Variants in AP3D1 observed in about 807,000 individuals in gnomAD.
The protein encoded by AP3D1 is AP-3 complex subunit delta-1.
Under a neutral mutation model 147.6 loss-of-function variants are expected in AP3D1, and 51 were observed. That is an observed-to-expected ratio of 0.35 (90% CI 0.28 to 0.44). AP3D1 has a LOEUF of 0.44. Ranked by LOEUF, AP3D1 falls within the 20% of genes least tolerant of loss-of-function variation. AP3D1 has a pLI of 1.00. For missense variants in AP3D1, 1,421 were observed against 1,624.2 expected (o/e 0.87, Z 2.15); for synonymous variants, 760 against 663.0 (o/e 1.15, Z -2.25).
At chr19:2,109,709 C>T (rs1685591461) in intron 29 of AP3D1, 164 bp downstream of exon 29, 2 of 667,346 alleles carry the variant, frequency 3.0e-6, no homozygotes, top group African/African-American at 1.8e-5. Context: ...CCCCGGCTGG[C>T]GCAGACACCA....
intron 25 of AP3D1, 140 bp from the exon 26 acceptor site, chr19:2,111,472 G>A (rs1051372113): frequency 7.9e-7 from 1 of 1,260,010 alleles, no homozygotes; most frequent in Non-Finnish European, 1.1e-6. Context: ...AGCCGATGAG[G>A]GATCCCCGGC....
intron 8 of AP3D1, among the ~76,000 whole-genome samples, chr19:2,127,555 C>T (rs1000373165): frequency 1.4e-4 from 21 of 152,194 alleles, no homozygotes; most frequent in East Asian, 1.9e-4. Context: ...GACGGAGTCT[C>T]GCTCTGTTGC....
intron 22 of AP3D1, among the ~76,000 whole-genome samples, chr19:2,113,870 C>A (rs1036038409): frequency 6.6e-6 from 1 of 152,204 alleles, no homozygotes; most frequent in Non-Finnish European, 1.5e-5. Flanking sequence ...CTGACCATGT[C>A]CCCCCAACAC....
intron 1 of AP3D1, among the ~76,000 whole-genome samples, chr19:2,147,635 C>T (rs945722106): frequency 6.8e-6 from 1 of 147,660 alleles, no homozygotes; most frequent in African/African-American, 2.5e-5. Context: ...AGTGGCTCAC[C>T]CTGTAATCCC....
At chr19:2,102,513 G>A (rs556762882) in intron 31 of AP3D1, among the ~76,000 whole-genome samples, 21 of 152,166 alleles carry the variant, frequency 1.4e-4, no homozygotes, top group East Asian at 3.9e-4. Flanking sequence ...CAGATCACCA[G>A]GTCAGGATAT....
intron 1 of AP3D1, among the ~76,000 whole-genome samples, chr19:2,145,402 T>C (rs1284473682): frequency 1.3e-5 from 2 of 152,202 alleles, no homozygotes; most frequent in Admixed American, 6.5e-5. Flanking sequence ...CCTAAGGCAG[T>C]GGTTCCCAGC....
intron 1 of AP3D1, 51 bp from the exon 2 acceptor site, chr19:2,138,765 G>A (rs755856746): frequency 8.0e-6 from 11 of 1,369,600 alleles, no homozygotes; most frequent in Non-Finnish European, 1.1e-5. Context: ...TAAGAGGGCT[G>A]GAATAATGAT....
chr19:2,118,488 T>C (rs2018518781), intron 15 of AP3D1, 113 bp downstream of exon 15: 2 of 1,045,600 alleles, frequency 1.9e-6, no homozygotes, highest in Non-Finnish European at 2.7e-6. Flanking sequence ...CAAAAGAATC[T>C]CAGTGAGTGG....
chr19:2,133,446 T>C (rs1397714775), intron 4 of AP3D1: 6 of 152,114 alleles, frequency 3.9e-5, no homozygotes, highest in African/African-American at 1.4e-4. Context: ...ACTTCATCTA[T>C]ATATGCATCT....
chr19:2,142,174 C>A (rs933900291), intron 1 of AP3D1, among the ~76,000 whole-genome samples: 1 of 151,956 alleles, frequency 6.6e-6, no homozygotes, highest in South Asian at 2.1e-4. Context: ...GGTACTACCA[C>A]GCCTGGCTAA....
chr19:2,123,549 C>A (rs2018667643), intron 10 of AP3D1, 143 bp from the exon 11 acceptor site: 1 of 876,622 alleles, frequency 1.1e-6, no homozygotes, highest in African/African-American at 1.7e-5. Flanking sequence ...GGGAAACAAG[C>A]ATGGCCCACA....
rs2019511083 is a variant in AP3D1, at chr19:2,151,475, G to C, written c.-141C>G. ...AAGCTCCCAGGCCAGGGCGGCGGCGGGGTCCAAGGACCGCGGCAGAGGCGG... is the reference window on the plus strand; with the variant it reads ...AAGCTCCCAGGCCAGGGCGGCGGCGCGGTCCAAGGACCGCGGCAGAGGCGG... On this transcript the variant is annotated 5_prime_UTR_variant, in exon 1 of 32. Coordinates refer to ENST00000643116, the MANE Select transcript of AP3D1 (RefSeq NM_001261826.3). 1 of 353,208 alleles carries C rather than the reference G, an allele frequency of 2.8e-6. No homozygotes were observed. The highest frequency in any genetic ancestry group is 4.0e-6 in the Non-Finnish European group (1 of 248,990). 21.9% of individuals were successfully genotyped at this position (353,208 alleles called of 1,614,324 possible). A position where few individuals can be genotyped will look rare whatever the true frequency, so the allele number is the denominator to read the frequency against.
At chr19:2,159,268 G>C (rs569331816) in intron 1 of AP3D1, among the ~76,000 whole-genome samples, 4 of 150,612 alleles carry the variant, frequency 2.7e-5, no homozygotes, top group Non-Finnish European at 5.9e-5. Context: ...ACCCAGGCTG[G>C]AGTGCAATGG....
intron 1 of AP3D1, among the ~76,000 whole-genome samples, chr19:2,150,039 T>TTAA (rs1316302813): frequency 6.6e-6 from 1 of 152,068 alleles, no homozygotes; most frequent in Non-Finnish European, 1.5e-5. Flanking sequence ...AATGACCTCA[T>TTAA]TAAGGTGGGG....
intron 1 of AP3D1, among the ~76,000 whole-genome samples, chr19:2,162,331 C>A (rs2019721297): frequency 7.1e-6 from 1 of 140,190 alleles, no homozygotes; most frequent in African/African-American, 2.6e-5. Flanking sequence ...CCACCGCACC[C>A]GGCCCCTGTT....
chr19:2,159,810 C>G (rs145463814), intron 1 of AP3D1, among the ~76,000 whole-genome samples: 2,340 of 152,036 alleles, frequency 0.015, 37 homozygotes, highest in Middle Eastern at 0.048. Context: ...ATGCCATTCT[C>G]TTGCCTCAGC....
rs369203872 is a variant in AP3D1, at chr19:2,109,172, A to G, written c.3386T>C (p.Leu1129Ser). 46 of 1,608,562 alleles carry G rather than the reference A, an allele frequency of 2.9e-5. No individual in the cohort carries two copies. Among genetic ancestry groups the G allele is most frequent in the South Asian group, 1.7e-4 (15 of 90,170 alleles). Reference sequence around the variant, plus strand: ...ATCGACTTTGATTGAGCTCATGCTCAAGTCCCCAGACTCCAGCAACTTAGC... The same window carrying G: ...ATCGACTTTGATTGAGCTCATGCTCGAGTCCCCAGACTCCAGCAACTTAGC... ...AFAKLLESGD[L>S]SMSSIKVDGI... The change falls in exon 30 of 32, where the codon TTG becomes TCG. Residue 1129 changes from leucine to serine, a missense_variant. Leu to Ser is a moderately radical substitution (Grantham distance 145). Transcript: ENST00000643116.
rs78715673 is a variant in AP3D1, at chr19:2,116,131, C to T, written c.2073+76G>A. 7,601 of 1,476,100 alleles carry T rather than the reference C, an allele frequency of 5.1e-3. 34 individuals are homozygous for T. Among genetic ancestry groups the T allele is most frequent in the Middle Eastern group, 0.023 (119 of 5,216 alleles). 91.4% of individuals were successfully genotyped at this position (1,476,100 alleles called of 1,614,324 possible). A position where few individuals can be genotyped will look rare whatever the true frequency, so the allele number is the denominator to read the frequency against. On this transcript the variant is annotated intron_variant, in intron 18 of 31. Transcript: ENST00000643116. ...AGGATCTTCCTGAGGGAACCCGAAA[C>T]TCAGATGGATGCCGCGGGGCTCGGG...
chr19:2,115,330 C>G lies in AP3D1; in HGVS notation c.2238G>C (p.Arg746Ser), dbSNP rs780024043. The change falls in exon 20 of 32, where the codon AGG becomes AGC. Residue 746 changes from arginine to serine, a missense_variant. Arg to Ser is a moderately radical substitution (Grantham distance 110). Coordinates refer to ENST00000643116, the MANE Select transcript of AP3D1 (RefSeq NM_001261826.3). Reference protein sequence around the residue: ...KLEKDKRRKKRKEKEKKGKRR... With the variant: ...KLEKDKRRKKSKEKEKKGKRR... ...GCTTGCCCTTCTTCTCCTTCTCCTT[C>G]CTCTTTTTCCTCCTCTTGTCCTTCT... The G allele has an allele frequency of 6.2e-7, 1 of 1,610,820 alleles. No homozygotes were observed. The highest frequency in any genetic ancestry group is 2.2e-5 in the East Asian group (1 of 44,884).
Sources: allele counts gnomAD v4.1 joint callset (sites outside exome capture counted in the v4.1 genomes callset), GRCh38; gene constraint gnomAD v4.1.1; transcripts MANE v1.5; gene names NCBI Gene and HGNC (gene_info 2026-07-23, HGNC 2026-07-21).